MAPK6: variants seen among roughly 807,000 people sequenced by gnomAD.
MAPK6 encodes mitogen-activated protein kinase 6, also known as ERK-3.
MAPK6 carries 19 observed loss-of-function variants against 59.3 expected under a neutral mutation model. That is an observed-to-expected ratio of 0.32 (90% CI 0.22 to 0.47). The LOEUF is 0.47. MAPK6 is among the 20% of genes least tolerant of loss of function. The pLI, the probability that MAPK6 is intolerant of heterozygous loss-of-function variation, is 1.00. For missense variants in MAPK6, 724 were observed against 847.9 expected (o/e 0.85, Z 1.81); for synonymous variants, 316 against 290.3 (o/e 1.09, Z -0.90).
chr15:52,048,900 A>G (rs62015198), intron 2 of MAPK6, among the ~76,000 whole-genome samples: 8 of 70,158 alleles, frequency 1.1e-4, no homozygotes, highest in East Asian at 1.1e-3. Flanking sequence ...CCACAGTGAA[A>G]TATTGTGGGT....
At chr15:52,042,283 GTATAATCCTCA>G (rs916030650) in intron 1 of MAPK6, among the ~76,000 whole-genome samples, 3 of 152,156 alleles carry the variant, frequency 2.0e-5, no homozygotes, top group African/African-American at 7.2e-5. Context: ...TGTTTAACTG[GTATAATCCTCA>G]TTGTCTAGTG....
At chr15:51,980,151 C>T (rs939343796) in intron 1 of MAPK6, among the ~76,000 whole-genome samples, 24 of 151,210 alleles carry the variant, frequency 1.6e-4, no homozygotes, top group African/African-American at 4.1e-4. Flanking sequence ...AAAAATTAGC[C>T]GGGCGTGGTG....
At chr15:52,054,861 C>T (rs139948617) in intron 3 of MAPK6, among the ~76,000 whole-genome samples, 2,098 of 152,134 alleles carry the variant, frequency 0.014, 61 homozygotes, top group African/African-American at 0.049. Context: ...GATCTTGGCT[C>T]ACTGCAACCT....
At chr15:51,979,372 A>T (rs897809896) in intron 1 of MAPK6, among the ~76,000 whole-genome samples, 1 of 151,756 alleles carries the variant, frequency 6.6e-6, no homozygotes, top group African/African-American at 2.4e-5. Context: ...GTTTAGTAGG[A>T]TTATTTGACT....
At chr15:52,015,236 T>C (rs1211551410), upstream of MAPK6, among the ~76,000 whole-genome samples, 1 of 151,714 alleles carries the variant, frequency 6.6e-6, no homozygotes, top group Non-Finnish European at 1.5e-5. Flanking sequence ...CCTAACCTCA[T>C]GTGATCTACC....
At chr15:52,014,553 A>G (rs1005377032), upstream of MAPK6, among the ~76,000 whole-genome samples, 2 of 152,040 alleles carry the variant, frequency 1.3e-5, no homozygotes, top group Non-Finnish European at 2.9e-5. Flanking sequence ...CTTTACAAAA[A>G]ATAATTAGCC....
At chr15:52,051,869 C>CAAA (rs779400629) in intron 3 of MAPK6, among the ~76,000 whole-genome samples, 7 of 84,252 alleles carry the variant, frequency 8.3e-5, no homozygotes, top group African/African-American at 2.2e-4. Flanking sequence ...GACTCTGTCT[C>CAAA]AAAAAAAAAA....
At chr15:51,988,789 C>G (rs1453951439) in intron 2 of MAPK6, among the ~76,000 whole-genome samples, 1 of 151,696 alleles carries the variant, frequency 6.6e-6, no homozygotes, top group Non-Finnish European at 1.5e-5. Flanking sequence ...TATTCCTTTG[C>G]AGTTCTAGAG....
chr15:51,976,178 A>G (rs2057156825), intron 1 of MAPK6, among the ~76,000 whole-genome samples: 1 of 150,900 alleles, frequency 6.6e-6, no homozygotes, highest in Admixed American at 6.6e-5. Context: ...AGGCAGAAGA[A>G]TCGCTTGAAC....
At position 52,046,579 on chromosome 15, in the gene MAPK6, ATGAC is replaced by A. The variant is rs1333463974; in HGVS notation, c.122_125del (p.Asp41ValfsTer5). 1 of 1,614,058 alleles carries A rather than the reference ATGAC, an allele frequency of 6.2e-7. No individual in the cohort carries two copies. The highest frequency in any genetic ancestry group is 8.5e-7 in the Non-Finnish European group (1 of 1,180,026). Reference sequence around the variant, plus strand: ...GGCTTGGTTTTTTCTGCTGTAGACAATGACTGTGACAAAAGAGTAGCCATCAAGA... The same window carrying A: ...GGCTTGGTTTTTTCTGCTGTAGACAATGTGACAAAAGAGTAGCCATCAAGA... On this transcript the variant is annotated frameshift_variant, in exon 2 of 6. Coordinates refer to ENST00000261845, the MANE Select transcript of MAPK6 (RefSeq NM_002748.4). LOFTEE classifies it high-confidence loss of function.
At chr15:52,058,833 CTG>C in intron 4 of MAPK6, 36 bp downstream of exon 4, 1 of 1,556,180 alleles carries the variant, frequency 6.4e-7, no homozygotes, top group Non-Finnish European at 8.7e-7. Flanking sequence ...ACGTTAATGC[CTG>C]TGTGTGAGGC....
At chr15:51,989,440 A>G (rs1004313041) in intron 2 of MAPK6, among the ~76,000 whole-genome samples, 2 of 152,042 alleles carry the variant, frequency 1.3e-5, no homozygotes, top group African/African-American at 4.8e-5. Flanking sequence ...TAAGACATGG[A>G]TAGCTTTTGG....
chr15:52,038,358 C>T (rs1049339639), intron 1 of MAPK6, among the ~76,000 whole-genome samples: 3 of 152,152 alleles, frequency 2.0e-5, no homozygotes, highest in Non-Finnish European at 4.4e-5. Context: ...TTTACCCACT[C>T]CCTTGGGTAT....
chr15:51,985,831 G>A (rs1244242320), intron 2 of MAPK6, among the ~76,000 whole-genome samples: 1 of 151,800 alleles, frequency 6.6e-6, no homozygotes, highest in Non-Finnish European at 1.5e-5. Context: ...GGTGGTGGGC[G>A]CCTGTACTCC....
intron 4 of MAPK6, among the ~76,000 whole-genome samples, chr15:52,060,102 A>G (rs1019119495): frequency 4.6e-5 from 7 of 152,126 alleles, no homozygotes; most frequent in African/African-American, 1.4e-4. Flanking sequence ...GTTCAGCACC[A>G]TTGTAGCATT....
At chr15:52,054,729 T>TAC (rs35669914) in intron 3 of MAPK6, among the ~76,000 whole-genome samples, 123,607 of 147,012 alleles carry the variant, frequency 0.84, 52,763 homozygotes, top group Non-Finnish European at 0.92. Flanking sequence ...CATATATCTA[T>TAC]ACACACACAC....
At chr15:51,983,259 G>A (rs1319196798) in exon 2 of MAPK6, among the ~76,000 whole-genome samples, 1 of 152,010 alleles carries the variant, frequency 6.6e-6, no homozygotes, top group African/African-American at 2.4e-5. Flanking sequence ...GGCCAAGGTG[G>A]GCAGATCACC....
chr15:52,010,073 A>C (rs2030010902), intron 3 of MAPK6, among the ~76,000 whole-genome samples: 1 of 151,728 alleles, frequency 6.6e-6, no homozygotes, highest in Non-Finnish European at 1.5e-5. Flanking sequence ...GCCTGGCCTT[A>C]AGTAATTTCT....
rs779273462 is a variant in MAPK6 at position 51,976,774 on chromosome 15, C to G, written c.-880+4868C>G. Among the ~76,000 whole-genome samples the G allele has an allele frequency of 4.6e-4, 70 of 151,380 alleles. 2 individuals are homozygous for G. The highest frequency in any genetic ancestry group is 1.4e-3 in the Admixed American group (21 of 15,188). ...CCTGACCAAAATGGTGAAACCCCAT[C>G]TCTACTAAAAATACAAAAATTAGCC... On this transcript the variant is annotated intron_variant, in intron 1 of 7. Transcript: ENST00000691380.
Sources: gnomAD v4.1 joint callset for allele counts (sites outside exome capture counted in the v4.1 genomes callset) on GRCh38, gnomAD v4.1.1 for gene constraint, MANE v1.5 for transcripts, NCBI Gene and HGNC (gene_info 2026-07-23, HGNC 2026-07-21) for gene names.